The following CENPW variants were observed in gnomAD, a reference collection of about 807,000 sequenced individuals.
The protein encoded by CENPW is centromere protein W, also known as cancer-up-regulated gene 2 protein.
In CENPW, 3 loss-of-function variants were observed where a neutral mutation model predicts 11.1. That is an observed-to-expected ratio of 0.27 (90% CI 0.12 to 0.70). CENPW has a LOEUF of 0.70. CENPW is among the 30% of genes least tolerant of loss of function. CENPW has a pLI of 0.77. For missense variants in CENPW, 100 were observed against 105.6 expected, an observed-to-expected ratio of 0.95 and a Z score of 0.23; for synonymous variants, 38 against 42.0, an observed-to-expected ratio of 0.91 and a Z score of 0.37.
At chr6:126,414,874 A>C in the CENPW span, among the ~76,000 whole-genome samples, 4 of 152,002 alleles carry the variant, frequency 2.6e-5, no homozygotes, top group African/African-American at 9.6e-5. Flanking sequence ...AGTTTAGGAA[A>C]AAAAGAAGAC....
the CENPW span, among the ~76,000 whole-genome samples, chr6:126,386,000 T>G: frequency 7.9e-5 from 12 of 152,118 alleles, no homozygotes; most frequent in Non-Finnish European, 1.5e-4. Flanking sequence ...TGGTAATGCC[T>G]AAAATTCATA....
chr6:126,466,174 A>G, the CENPW span, among the ~76,000 whole-genome samples: 2 of 152,192 alleles, frequency 1.3e-5, no homozygotes, highest in East Asian at 1.9e-4. Flanking sequence ...GTAAATAAAA[A>G]GAAAATAATT....
At chr6:126,411,104 C>A in the CENPW span, among the ~76,000 whole-genome samples, 1 of 152,050 alleles carries the variant, frequency 6.6e-6, no homozygotes, top group Non-Finnish European at 1.5e-5. Context: ...GGAACTATTA[C>A]CTCTTCCATA....
the CENPW span, among the ~76,000 whole-genome samples, chr6:126,415,831 C>T: frequency 1.3e-5 from 2 of 152,154 alleles, no homozygotes; most frequent in African/African-American, 4.8e-5. Context: ...GTCCAATAAA[C>T]CTCATTCTTT....
the CENPW span, among the ~76,000 whole-genome samples, chr6:126,360,798 T>A: frequency 6.6e-6 from 1 of 152,168 alleles, no homozygotes; most frequent in African/African-American, 2.4e-5. Flanking sequence ...TTATAATGGT[T>A]ATTTCATCTT....
At chr6:126,475,080 G>T in the CENPW span, among the ~76,000 whole-genome samples, 2 of 151,972 alleles carry the variant, frequency 1.3e-5, no homozygotes, top group Admixed American at 1.3e-4. Flanking sequence ...TAAATATTCT[G>T]AATTTAAAGA....
chr6:126,466,362 A>C, the CENPW span, among the ~76,000 whole-genome samples: 1 of 152,150 alleles, frequency 6.6e-6, no homozygotes, highest in Non-Finnish European at 1.5e-5. Flanking sequence ...AGTTGATAAA[A>C]GTGTTTCTCA....
the CENPW span, among the ~76,000 whole-genome samples, chr6:126,362,781 A>T: frequency 1.3e-5 from 2 of 151,914 alleles, no homozygotes; most frequent in African/African-American, 4.8e-5. Context: ...TTCTCCTATG[A>T]TTTCCTGTAA....
chr6:126,433,036 G>C, the CENPW span, among the ~76,000 whole-genome samples: 3 of 152,200 alleles, frequency 2.0e-5, no homozygotes, highest in Admixed American at 6.5e-5. Flanking sequence ...AATTGGCCCA[G>C]CCTGCTCAGT....
the CENPW span, among the ~76,000 whole-genome samples, chr6:126,456,332 C>T: frequency 6.6e-6 from 1 of 151,436 alleles, no homozygotes; most frequent in Non-Finnish European, 1.5e-5. Flanking sequence ...ACCAAAAACA[C>T]ATAATAGTAG....
chr6:126,403,657 A>T, the CENPW span, among the ~76,000 whole-genome samples: 3 of 152,032 alleles, frequency 2.0e-5, no homozygotes, highest in Admixed American at 1.3e-4. Context: ...ATAAAAGTAC[A>T]AGATGAAACA....
the CENPW span, among the ~76,000 whole-genome samples, chr6:126,384,384 G>A: frequency 6.6e-6 from 1 of 151,916 alleles, no homozygotes; most frequent in Non-Finnish European, 1.5e-5. Context: ...CTATACTATG[G>A]AGCTACAGTA....
chr6:126,405,891 T>TG, the CENPW span, among the ~76,000 whole-genome samples: 670 of 151,728 alleles, frequency 4.4e-3, 13 homozygotes, highest in East Asian at 0.055. Flanking sequence ...GATTTTTTTG[T>TG]GGGGGGGGTC....
At chr6:126,408,026 A>G in the CENPW span, among the ~76,000 whole-genome samples, 1 of 151,954 alleles carries the variant, frequency 6.6e-6, no homozygotes, top group Non-Finnish European at 1.5e-5. Flanking sequence ...CCTGAATGGT[A>G]TTTGCCTAGA....
the CENPW span, among the ~76,000 whole-genome samples, chr6:126,465,505 G>A: frequency 1.3e-4 from 20 of 151,946 alleles, no homozygotes; most frequent in South Asian, 2.3e-3. Flanking sequence ...GCATTTTTTC[G>A]TGTTTAGAAG....
chr6:126,446,041 C>T, the CENPW span, among the ~76,000 whole-genome samples: 23 of 151,060 alleles, frequency 1.5e-4, no homozygotes, highest in Non-Finnish European at 2.2e-4. Context: ...TCAATTGAAA[C>T]GATCACAATT....
At chr6:126,392,456 T>C in the CENPW span, among the ~76,000 whole-genome samples, 31 of 151,940 alleles carry the variant, frequency 2.0e-4, no homozygotes, top group African/African-American at 7.0e-4. Flanking sequence ...ATATATACCT[T>C]TTATTATGTT....
chr6:126,461,704 T>G, the CENPW span, among the ~76,000 whole-genome samples: 1 of 152,008 alleles, frequency 6.6e-6, no homozygotes, highest in East Asian at 1.9e-4. Context: ...GCACATTTTC[T>G]ATTATGTAAG....
chr6:126,434,901 T>G, the CENPW span, among the ~76,000 whole-genome samples: 1 of 151,984 alleles, frequency 6.6e-6, no homozygotes, highest in Admixed American at 6.6e-5. Flanking sequence ...GCCAAGTCAT[T>G]CAATATGAAT....
Sources: allele counts gnomAD v4.1 joint callset (sites outside exome capture counted in the v4.1 genomes callset), GRCh38; gene constraint gnomAD v4.1.1; transcripts MANE v1.5; gene names NCBI Gene and HGNC (gene_info 2026-07-23, HGNC 2026-07-21).